PLCL1: variants seen among roughly 807,000 people sequenced by gnomAD.
PLCL1 encodes phospholipase C like 1 (inactive).
A neutral mutation model predicts 84.4 loss-of-function variants in PLCL1; 41 were observed. That is an observed-to-expected ratio of 0.49 (90% CI 0.38 to 0.63). The LOEUF is 0.63. Among genes scored for constraint, PLCL1 ranks in the 30% least tolerant of loss-of-function variants. The pLI is 0.00. For synonymous variants in PLCL1, 490 were observed against 488.3 expected (o/e 1.00, Z -0.05); for missense variants, 1,206 against 1,367.8 (o/e 0.88, Z 1.87).
chr2:198,052,191 C>T lies in PLCL1; in HGVS notation c.241-31567C>T, dbSNP rs531601659. On this transcript the variant is annotated intron_variant, in intron 1 of 5. Transcript: ENST00000428675. ...CCTCCCAAAGTGCTGGGATTACAGG[C>T]GTGAGCCACCGCGCCCAGCCCCTAA... 1.8e-4 allele frequency among the ~76,000 whole-genome samples: 28 copies of T among 152,212 alleles called. No individual in the cohort carries two copies. The East Asian group carries it at 3.1e-3, about 17-fold the overall frequency.
chr2:198,058,999 T>C (rs1309628934), intron 1 of PLCL1, among the ~76,000 whole-genome samples: 1 of 152,210 alleles, frequency 6.6e-6, no homozygotes, highest in African/African-American at 2.4e-5. Flanking sequence ...GTCATTGATA[T>C]ATACTGTTTC....
chr2:198,017,146 A>G (rs1025143109), intron 1 of PLCL1, among the ~76,000 whole-genome samples: 1 of 152,194 alleles, frequency 6.6e-6, no homozygotes, highest in African/African-American at 2.4e-5. Flanking sequence ...TTTTATTATG[A>G]TTAAAACCAC....
At chr2:198,053,718 G>A (rs1481242705) in intron 1 of PLCL1, among the ~76,000 whole-genome samples, 1 of 152,182 alleles carries the variant, frequency 6.6e-6, no homozygotes, top group East Asian at 1.9e-4. Flanking sequence ...GATAGAAATA[G>A]AAAGGAAGGA....
intron 1 of PLCL1, among the ~76,000 whole-genome samples, chr2:197,984,081 G>A (rs1574983597): frequency 6.6e-6 from 1 of 152,072 alleles, no homozygotes; most frequent in East Asian, 1.9e-4. Context: ...TTTTTGCTTT[G>A]TTGAAAATTT....
chr2:198,094,162 T>C (rs537747196), intron 3 of PLCL1, among the ~76,000 whole-genome samples: 13 of 152,144 alleles, frequency 8.5e-5, no homozygotes, highest in South Asian at 2.1e-4. Flanking sequence ...CCTGGGTTCA[T>C]GCCATTCTCC....
At chr2:198,106,506 G>A (rs1335694098) in intron 5 of PLCL1, among the ~76,000 whole-genome samples, 1 of 151,844 alleles carries the variant, frequency 6.6e-6, no homozygotes, top group African/African-American at 2.4e-5. Context: ...TGTTAAAGAG[G>A]TGCTTATTAT....
intron 1 of PLCL1, among the ~76,000 whole-genome samples, chr2:197,884,015 CAAGT>C: frequency 6.6e-6 from 1 of 152,266 alleles, no homozygotes. Flanking sequence ...TTGACTTTGG[CAAGT>C]AACTTCTCTG....
At chr2:198,069,161 GTT>G (rs536388625) in intron 1 of PLCL1, among the ~76,000 whole-genome samples, 16 of 144,258 alleles carry the variant, frequency 1.1e-4, no homozygotes, top group African/African-American at 3.3e-4. Context: ...CCACCTGGCA[GTT>G]TTTTTTTTTT....
intron 1 of PLCL1, among the ~76,000 whole-genome samples, chr2:197,862,121 A>G (rs1279244666): frequency 1.5e-5 from 1 of 68,106 alleles, no homozygotes; most frequent in Non-Finnish European, 2.8e-5. Context: ...GATGAGTTAC[A>G]TGGATTTTAA....
chr2:197,943,627 C>CTTTTTTTTTTTTTTTTTTT (rs5837573), intron 1 of PLCL1, among the ~76,000 whole-genome samples: 1 of 119,206 alleles, frequency 8.4e-6, no homozygotes, highest in Non-Finnish European at 1.7e-5. Flanking sequence ...TTGGTTACAT[C>CTTTTTTTTTTTTTTTTTTT]TTTTTTTTTT....
intron 1 of PLCL1, among the ~76,000 whole-genome samples, chr2:198,044,095 A>G (rs2105862003): frequency 6.6e-6 from 1 of 152,240 alleles, no homozygotes; most frequent in South Asian, 2.1e-4. Context: ...TGCATTATTT[A>G]CTTATAAATA....
intron 1 of PLCL1, among the ~76,000 whole-genome samples, chr2:197,891,169 C>A (rs1483272464): frequency 6.6e-6 from 1 of 151,884 alleles, no homozygotes; most frequent in Non-Finnish European, 1.5e-5. Context: ...CATTTAGGTA[C>A]TGAAAGAGGA....
At chr2:197,902,708 T>G (rs1688291209) in intron 1 of PLCL1, among the ~76,000 whole-genome samples, 1 of 152,210 alleles carries the variant, frequency 6.6e-6, no homozygotes, top group Non-Finnish European at 1.5e-5. Flanking sequence ...TACATGTGTA[T>G]GCTGAGACTA....
intron 1 of PLCL1, chr2:198,071,175 A>G (rs1308603161): frequency 6.3e-5 from 10 of 158,298 alleles, no homozygotes. Context: ...ATCACCCATT[A>G]TATGGGCTGT....
chr2:197,995,267 T>C (rs951071492), intron 1 of PLCL1, among the ~76,000 whole-genome samples: 9 of 152,172 alleles, frequency 5.9e-5, no homozygotes, highest in Admixed American at 2.0e-4. Context: ...AGAACCAGAC[T>C]GTTCATTCTT....
intron 5 of PLCL1, among the ~76,000 whole-genome samples, chr2:198,115,979 C>T (rs1467187796): frequency 6.8e-6 from 1 of 146,498 alleles, no homozygotes; most frequent in Non-Finnish European, 1.5e-5. Flanking sequence ...TAAAAATATA[C>T]TTATTAAATA....
intron 1 of PLCL1, among the ~76,000 whole-genome samples, chr2:198,015,876 G>A (rs1446463268): frequency 6.6e-6 from 1 of 151,852 alleles, no homozygotes; most frequent in Non-Finnish European, 1.5e-5. Context: ...GTAAAACAGT[G>A]GTGCTTAGAA....
intron 1 of PLCL1, among the ~76,000 whole-genome samples, chr2:198,033,273 T>A (rs1247542889): frequency 6.6e-6 from 1 of 152,170 alleles, no homozygotes; most frequent in East Asian, 1.9e-4. Flanking sequence ...TAATTAAACT[T>A]GGCCAGATGA....
intron 1 of PLCL1, among the ~76,000 whole-genome samples, chr2:198,007,472 G>T (rs902484559): frequency 6.6e-6 from 1 of 152,112 alleles, no homozygotes; most frequent in Non-Finnish European, 1.5e-5. Flanking sequence ...AGACATATGT[G>T]TGTAATTCAG....
Sources: gnomAD v4.1 joint callset for allele counts (sites outside exome capture counted in the v4.1 genomes callset) on GRCh38, gnomAD v4.1.1 for gene constraint, MANE v1.5 for transcripts, NCBI Gene and HGNC (gene_info 2026-07-23, HGNC 2026-07-21) for gene names.